The following CAND1 variants were observed in gnomAD, a reference collection of about 807,000 sequenced individuals.
CAND1 encodes the protein cullin associated and neddylation dissociated 1, also known as cullin-associated NEDD8-dissociated protein 1.
CAND1 carries 7 observed loss-of-function variants against 108.5 expected under a neutral mutation model. The ratio of observed to expected loss-of-function variants is 0.06; its 90% CI spans 0.04 to 0.12. The LOEUF (loss-of-function observed/expected upper bound fraction) is 0.12, where lower values mean the gene tolerates loss of function less well. CAND1 is among the 10% of genes least tolerant of loss of function. The pLI, the probability that CAND1 is intolerant of heterozygous loss-of-function variation, is 1.00. For synonymous variants in CAND1, 534 were observed against 512.0 expected (o/e 1.04, Z -0.58); for missense variants, 941 against 1,448.7 (o/e 0.65, Z 5.69).
At chr12:67,270,613 G>A (rs192537845) in intron 1 of CAND1, 68 of 152,244 alleles carry the variant, frequency 4.5e-4, no homozygotes, top group African/African-American at 1.6e-3. Context: ...GTTCTGTTCA[G>A]GAGATCGGTA....
At chr12:67,308,734 C>G (rs989143753) in intron 11 of CAND1, among the ~76,000 whole-genome samples, 2 of 151,996 alleles carry the variant, frequency 1.3e-5, no homozygotes, top group African/African-American at 4.8e-5. Flanking sequence ...CTCTTCTAAT[C>G]TACCAGTTTA....
intron 3 of CAND1, among the ~76,000 whole-genome samples, chr12:67,294,349 G>A (rs924038415): frequency 7.9e-5 from 12 of 151,796 alleles, no homozygotes; most frequent in Non-Finnish European, 1.3e-4. Flanking sequence ...ATGAAGTTAC[G>A]GAATCTTTGG....
chr12:67,274,061 T>C (rs1215404860), intron 1 of CAND1, among the ~76,000 whole-genome samples: 1 of 152,180 alleles, frequency 6.6e-6, no homozygotes, highest in African/African-American at 2.4e-5. Context: ...ACATGAACTC[T>C]TGACCACCCA....
chr12:67,285,510 T>C (rs2044662199), intron 2 of CAND1, among the ~76,000 whole-genome samples: 1 of 151,824 alleles, frequency 6.6e-6, no homozygotes, highest in Admixed American at 6.6e-5. Flanking sequence ...GGTAGAGAGG[T>C]GTTGGTTAGC....
intron 13 of CAND1, 82 bp downstream of exon 13, chr12:67,310,398 T>C: frequency 9.8e-7 from 1 of 1,016,790 alleles, no homozygotes; most frequent in Non-Finnish European, 1.4e-6. Context: ...TTTACTCATG[T>C]GTCTGAGAAA....
At position 67,280,825 on chromosome 12, in the gene CAND1, T is replaced by C. The variant is rs567723439; in HGVS notation, c.69-1085T>C. On this transcript the variant is annotated intron_variant, in intron 1 of 14. Transcript: ENST00000545606. The stretch of plus-strand genomic sequence containing the variant: ...GCTGAGATTAGATGATTGATCACTC[T>C]GGGTTTTTGCCAGGCAACACACTGT... 2.6e-5 allele frequency among the ~76,000 whole-genome samples: 4 copies of C among 151,342 alleles called. 1 individual carries two copies. The South Asian group carries it at 8.3e-4, about 31-fold the overall frequency.
rs537801166 is a variant in CAND1 at position 67,286,184 on chromosome 12, A to G, written c.212+4131A>G. ...CACCACGCCCAACTAATTTTTTTGT[A>G]TTTTTTAAATAGAGACGGGGTTTCA... On this transcript the variant is annotated intron_variant, in intron 2 of 14. Coordinates refer to ENST00000545606, the MANE Select transcript of CAND1 (RefSeq NM_018448.5). Among the ~76,000 whole-genome samples, 25 of 151,902 alleles carry G rather than the reference A, an allele frequency of 1.6e-4. No homozygotes were observed. In the South Asian group the frequency reaches 2.5e-3, roughly 15 times the overall value.
chr12:67,285,409 T>C (rs1234406878), intron 2 of CAND1, among the ~76,000 whole-genome samples: 2 of 152,198 alleles, frequency 1.3e-5, no homozygotes, highest in Non-Finnish European at 2.9e-5. Flanking sequence ...TTCCAGAAAC[T>C]AGACAAATTG....
intron 2 of CAND1, among the ~76,000 whole-genome samples, chr12:67,283,017 A>G (rs1258952373): frequency 1.3e-5 from 2 of 152,186 alleles, no homozygotes; most frequent in African/African-American, 2.4e-5. Context: ...CTTAATTTAC[A>G]TAGTTATTAG....
At chr12:67,293,824 T>C (rs1301228871) in intron 3 of CAND1, among the ~76,000 whole-genome samples, 2 of 152,280 alleles carry the variant, frequency 1.3e-5, no homozygotes, top group Middle Eastern at 3.4e-3. Context: ...TGTACTTGAA[T>C]CATTCACTGT....
At chr12:67,287,230 G>C (rs1285123999) in intron 2 of CAND1, among the ~76,000 whole-genome samples, 1 of 152,188 alleles carries the variant, frequency 6.6e-6, no homozygotes, top group African/African-American at 2.4e-5. Flanking sequence ...AAATTGCCCT[G>C]TTGAGAAACA....
Position 67,305,465 on chromosome 12 carries a change from C to T in CAND1, c.1797C>T (p.Asn599=), listed in dbSNP as rs144638369. Residue 599 remains asparagine, a synonymous_variant, in exon 10 of 15, where the codon AAC becomes AAT. Coordinates refer to ENST00000545606, the MANE Select transcript of CAND1 (RefSeq NM_018448.5). This position sits in a 1 kb window ranked among gnomAD's most constrained non-coding sequence, Gnocchi z 4.4. The part of the protein sequence containing the change: ...AISCMGQIIC[N]LGDNLGSDLP... ...CCTGTATGGGACAAATTATTTGCAA[C>T]CTTGGAGACAATTTGGGTTCTGACT... is the stretch of plus-strand genomic sequence containing the variant. 6 of 1,613,516 alleles carry T rather than the reference C, an allele frequency of 3.7e-6. No homozygotes were observed. The African/African-American group carries it at 5.3e-5, about 14-fold the overall frequency.
intron 1 of CAND1, chr12:67,270,096 G>A (rs1172080428): frequency 1.4e-5 from 5 of 365,828 alleles, no homozygotes; most frequent in Non-Finnish European, 2.5e-5. Context: ...CAGGTAGCGC[G>A]AAGGGGCTAA....
At position 67,319,271 on chromosome 12, in the gene CAND1, C is replaced by G. The variant is rs1565734522; in HGVS notation, c.*6441C>G. On this transcript the variant is annotated 3_prime_UTR_variant, in exon 15 of 15. Transcript: ENST00000545606. Reference sequence around the variant, plus strand: ...TGGTTACTGCCTGCCCCACCAGCCTCAGCATCTCTCACAACTAGGACTAAC... The same window carrying G: ...TGGTTACTGCCTGCCCCACCAGCCTGAGCATCTCTCACAACTAGGACTAAC... The G allele has an allele frequency of 6.6e-6, 1 of 152,274 alleles. No individual in the cohort carries two copies. Among genetic ancestry groups the G allele is most frequent in the African/African-American group, 2.4e-5 (1 of 41,458 alleles). 9.4% of individuals were successfully genotyped at this position (152,274 alleles called of 1,614,324 possible).
rs1474523064 is a variant in CAND1 at position 67,282,007 on chromosome 12, T to C, written c.166T>C (p.Leu56=). 1 of 1,612,388 alleles carries C rather than the reference T, an allele frequency of 6.2e-7. No homozygotes were observed. Among genetic ancestry groups the C allele is most frequent in the Non-Finnish European group, 8.5e-7 (1 of 1,179,330 alleles). Residue 56 remains leucine, a synonymous_variant, in exon 2 of 15, where the codon TTA becomes CTA. Coordinates refer to ENST00000545606, the MANE Select transcript of CAND1 (RefSeq NM_018448.5). ...ERKVVKMILK[L]LEDKNGEVQN... is the part of the protein sequence containing the mutation. ...GAAAGTAGTGAAAATGATTTTGAAG[T>C]TATTGGAAGATAAAAATGGAGAGGT...
chr12:67,319,517 C>T lies in CAND1; in HGVS notation c.*6687C>T, dbSNP rs998353828. ...AACTCCCATGTTTGGAACCTGACTC[C>T]ATTTTCAGGCACGTAATATTGTCAA... On this transcript the variant is annotated 3_prime_UTR_variant, in exon 15 of 15. Transcript: ENST00000545606. 1 of 152,160 alleles carries T rather than the reference C, an allele frequency of 6.6e-6. No homozygotes were observed. The highest frequency in any genetic ancestry group is 1.5e-5 in the Non-Finnish European group (1 of 68,070). 9.4% of individuals were successfully genotyped at this position (152,160 alleles called of 1,614,324 possible).
At chr12:67,298,850 A>G in intron 6 of CAND1, 100 bp from the exon 7 acceptor site, 1 of 694,208 alleles carries the variant, frequency 1.4e-6, no homozygotes, top group Admixed American at 2.2e-5. Flanking sequence ...TCTGGGAACT[A>G]CTGTCCTATG....
In CAND1 at chr12:67,269,597, C is replaced by T. The variant is rs142433820; in HGVS notation, c.-121C>T. ...CCTAGTCAGCGTCGGCGTCGCGCTGCGACCCTGGAAGCGGGAGCCGCCGCG... is the reference window on the plus strand; with the variant it reads ...CCTAGTCAGCGTCGGCGTCGCGCTGTGACCCTGGAAGCGGGAGCCGCCGCG... On this transcript the variant is annotated 5_prime_UTR_variant, in exon 1 of 15. Transcript: ENST00000545606. 199 of 798,910 alleles carry T rather than the reference C, an allele frequency of 2.5e-4. 1 individual carries two copies. The African/African-American group carries it at 3.3e-3, about 13-fold the overall frequency. The allele number at this position is 798,910 out of a possible 1,614,324, so 49.5% of individuals were successfully genotyped here.
rs185954807 is a variant in CAND1, at chr12:67,313,861, C to T, written c.*1031C>T. On this transcript the variant is annotated 3_prime_UTR_variant, in exon 15 of 15. Coordinates refer to ENST00000545606, the MANE Select transcript of CAND1 (RefSeq NM_018448.5). ...AGGAAAATTCTGAAGCCAGCTATCA[C>T]AGGTTTGTTAGCTAATAATAGTATT... The T allele has an allele frequency of 1.2e-4, 19 of 152,638 alleles. No homozygotes were observed. Among genetic ancestry groups the T allele is most frequent in the Admixed American group, 1.2e-3 (18 of 15,280 alleles). 9.5% of individuals were successfully genotyped at this position (152,638 alleles called of 1,614,324 possible). A position where few individuals can be genotyped will look rare whatever the true frequency, so the allele number is the denominator to read the frequency against.
Sources: allele counts gnomAD v4.1 joint callset (sites outside exome capture counted in the v4.1 genomes callset), GRCh38; gene constraint gnomAD v4.1.1; non-coding constraint Gnocchi (gnomAD v3.1); transcripts MANE v1.5; gene names NCBI Gene and HGNC (gene_info 2026-07-23, HGNC 2026-07-21).